The following PDS5B variants were observed in gnomAD, a reference collection of about 807,000 sequenced individuals.
PDS5B encodes PDS5 cohesin associated factor B.
In PDS5B, 51 loss-of-function variants were observed where a neutral mutation model predicts 184.1. The ratio of observed to expected loss-of-function variants is 0.28; its 90% confidence interval spans 0.22 to 0.35. The LOEUF (loss-of-function observed/expected upper bound fraction) is 0.35. Ranked by LOEUF, PDS5B falls within the 10% of genes least tolerant of loss-of-function variation. The pLI is 1.00. For synonymous variants in PDS5B, 566 were observed against 569.2 expected (o/e 0.99, Z 0.08); for missense variants, 1,180 against 1,723.3 (o/e 0.68, Z 5.58).
intron 12 of PDS5B, among the ~76,000 whole-genome samples, chr13:32,687,497 T>C (rs539914154): frequency 6.6e-6 from 1 of 152,312 alleles, no homozygotes; most frequent in Non-Finnish European, 1.5e-5. Context: ...AGGTTTTACG[T>C]TCCATTTTCA....
intron 19 of PDS5B, among the ~76,000 whole-genome samples, chr13:32,711,877 G>A (rs1239171622): frequency 6.6e-6 from 1 of 152,110 alleles, no homozygotes; most frequent in East Asian, 1.9e-4. Flanking sequence ...TTACTATACT[G>A]TCTCATTTAA....
Position 32,765,115 on chromosome 13 carries a change from T to C in PDS5B, c.3624+521T>C, listed in dbSNP as rs188884297. On this transcript the variant is annotated intron_variant, in intron 31 of 34. Coordinates refer to ENST00000315596, the MANE Select transcript of PDS5B (RefSeq NM_015032.4). ...ATGATAACTTGTATGATAGACAGTT[T>C]GTGTTGTTTTAAGACAAATTTGTTA... 1.6e-3 allele frequency among the ~76,000 whole-genome samples: 242 copies of C among 152,338 alleles called. 2 individuals are homozygous for C. The highest frequency in any genetic ancestry group is 3.4e-4 in the Non-Finnish European group (23 of 68,020).
At chr13:32,764,719 A>G (rs774055246) in intron 31 of PDS5B, 125 bp downstream of exon 31, 1 of 505,592 alleles carries the variant, frequency 2.0e-6, no homozygotes, top group Non-Finnish European at 3.4e-6. Flanking sequence ...AGTGGTTTTA[A>G]CCACAAACCT....
chr13:32,675,583 G>A (rs570407459), intron 8 of PDS5B, among the ~76,000 whole-genome samples: 1 of 152,096 alleles, frequency 6.6e-6, no homozygotes, highest in Non-Finnish European at 1.5e-5. Context: ...TGTAGGAGGG[G>A]CCTCTAACAT....
At chr13:32,701,754 A>G (rs1021587232) in intron 17 of PDS5B, among the ~76,000 whole-genome samples, 1 of 152,114 alleles carries the variant, frequency 6.6e-6, no homozygotes, top group Non-Finnish European at 1.5e-5. Context: ...TTAACGGTAT[A>G]CCAGACACTC....
chr13:32,774,477 C>T (rs187105929), intron 34 of PDS5B, among the ~76,000 whole-genome samples: 87 of 152,254 alleles, frequency 5.7e-4, no homozygotes, highest in Non-Finnish European at 1.1e-3. Flanking sequence ...TAAATTAAAA[C>T]CCTCTTTTAT....
chr13:32,617,884 A>G (rs2058241997), intron 1 of PDS5B, among the ~76,000 whole-genome samples: 1 of 152,210 alleles, frequency 6.6e-6, no homozygotes, highest in African/African-American at 2.4e-5. Flanking sequence ...TGGTGCTGCT[A>G]TAACAAAATA....
intron 1 of PDS5B, among the ~76,000 whole-genome samples, chr13:32,615,744 AT>A (rs1337767648): frequency 6.6e-6 from 1 of 152,190 alleles, no homozygotes; most frequent in African/African-American, 2.4e-5. Context: ...GCTTCTCTTA[AT>A]AAGCATGGAT....
chr13:32,629,730 G>C (rs888590313), intron 1 of PDS5B, among the ~76,000 whole-genome samples: 2 of 152,188 alleles, frequency 1.3e-5, no homozygotes, highest in African/African-American at 4.8e-5. Flanking sequence ...GAAGTTGAGT[G>C]TGCCTCTGTG....
chr13:32,621,765 C>A (rs1220037853), intron 1 of PDS5B, among the ~76,000 whole-genome samples: 1 of 152,118 alleles, frequency 6.6e-6, no homozygotes, highest in Non-Finnish European at 1.5e-5. Context: ...CTGCCTGCCT[C>A]TTTTTCTAAA....
At chr13:32,755,270 G>T (rs912033981) in intron 25 of PDS5B, among the ~76,000 whole-genome samples, 1 of 152,034 alleles carries the variant, frequency 6.6e-6, no homozygotes, top group African/African-American at 2.4e-5. Flanking sequence ...GTTTATCTCA[G>T]CCAACATACA....
chr13:32,654,813 T>G (rs1002915404), intron 3 of PDS5B, among the ~76,000 whole-genome samples: 1 of 152,192 alleles, frequency 6.6e-6, no homozygotes, highest in Admixed American at 6.5e-5. Context: ...ATTTGTTTGC[T>G]TAGGATAATG....
chr13:32,671,965 TATGCC>T (rs1415380963), intron 7 of PDS5B, among the ~76,000 whole-genome samples: 2 of 152,226 alleles, frequency 1.3e-5, no homozygotes, highest in Non-Finnish European at 2.9e-5. Context: ...ACTTGACAGT[TATGCC>T]ATGCATCTTT....
intron 20 of PDS5B, among the ~76,000 whole-genome samples, chr13:32,733,906 TACAC>T (rs1367845987): frequency 4.0e-5 from 6 of 151,418 alleles, no homozygotes; most frequent in Non-Finnish European, 8.8e-5. Context: ...TGCATGCACA[TACAC>T]ACGCATATTT....
chr13:32,742,162 CATT>C (rs931740101), intron 22 of PDS5B, among the ~76,000 whole-genome samples: 2 of 152,128 alleles, frequency 1.3e-5, no homozygotes, highest in African/African-American at 4.8e-5. Flanking sequence ...TTCTTGGAAA[CATT>C]AAAGGAAGTA....
intron 10 of PDS5B, among the ~76,000 whole-genome samples, chr13:32,682,147 A>G (rs1951265451): frequency 6.6e-6 from 1 of 152,156 alleles, no homozygotes. Context: ...TATTTTAGAG[A>G]AAATATCAGA....
At chr13:32,709,631 C>G (rs926012673) in intron 18 of PDS5B, among the ~76,000 whole-genome samples, 2 of 151,930 alleles carry the variant, frequency 1.3e-5, no homozygotes, top group Non-Finnish European at 2.9e-5. Flanking sequence ...TTCATGTCCC[C>G]TTTTCTCCTC....
At chr13:32,738,826 C>G (rs942605770) in intron 21 of PDS5B, among the ~76,000 whole-genome samples, 4 of 152,040 alleles carry the variant, frequency 2.6e-5, no homozygotes, top group Admixed American at 2.6e-4. Context: ...CGCCCACCAC[C>G]ATGTCCACCT....
At chr13:32,688,894 T>C (rs946838692) in intron 13 of PDS5B, 1 of 290,784 alleles carries the variant, frequency 3.4e-6, no homozygotes, top group Non-Finnish European at 6.6e-6. Flanking sequence ...TTAGAAACAT[T>C]CATATTATGA....
Sources: allele counts gnomAD v4.1 joint callset (sites outside exome capture counted in the v4.1 genomes callset), GRCh38; gene constraint gnomAD v4.1.1; transcripts MANE v1.5; gene names NCBI Gene and HGNC (gene_info 2026-07-23, HGNC 2026-07-21).